MNAT1: variants seen among roughly 807,000 people sequenced by gnomAD.
The protein encoded by MNAT1 is CDK-activating kinase assembly factor MAT1.
Under a neutral mutation model 42.0 loss-of-function variants are expected in MNAT1, and 43 were observed. The ratio of observed to expected loss-of-function variants is 1.02; its 90% confidence interval spans 0.80 to 1.32. MNAT1 has a LOEUF of 1.32. Among genes scored for constraint, MNAT1 ranks in the 40% most tolerant of loss-of-function variants. MNAT1 has a pLI of 0.00. For missense variants in MNAT1, 306 were observed against 350.4 expected, an observed-to-expected ratio of 0.87 and a Z score of 1.01; for synonymous variants, 118 against 120.0, an observed-to-expected ratio of 0.98 and a Z score of 0.11.
At chr14:60,804,856 T>C (rs2032319384) in intron 3 of MNAT1, among the ~76,000 whole-genome samples, 1 of 152,188 alleles carries the variant, frequency 6.6e-6, no homozygotes, top group Non-Finnish European at 1.5e-5. Context: ...TCACTTAGGA[T>C]TTAAGTTTGC....
At chr14:60,779,897 G>A (rs1458758962) in intron 1 of MNAT1, 5 of 807,258 alleles carry the variant, frequency 6.2e-6, no homozygotes, top group African/African-American at 1.7e-5. Flanking sequence ...GCGGGGAAGT[G>A]CTGTTGGAGC....
At chr14:60,804,566 C>T (rs184937668) in intron 3 of MNAT1, among the ~76,000 whole-genome samples, 2 of 151,928 alleles carry the variant, frequency 1.3e-5, no homozygotes, top group African/African-American at 4.8e-5. Context: ...CACTCTGTCT[C>T]CCAGGCTAAA....
chr14:60,776,940 C>T (rs1291105847), intron 1 of MNAT1, among the ~76,000 whole-genome samples: 1 of 151,760 alleles, frequency 6.6e-6, no homozygotes, highest in African/African-American at 2.4e-5. Flanking sequence ...CTTGACTTCC[C>T]GGGCTCAGGT....
At chr14:60,906,380 A>G (rs1256129955) in intron 7 of MNAT1, among the ~76,000 whole-genome samples, 1 of 152,186 alleles carries the variant, frequency 6.6e-6, no homozygotes, top group African/African-American at 2.4e-5. Flanking sequence ...ACTTTCATCT[A>G]GAAAGGTCTG....
chr14:60,771,595 C>T (rs891129587), intron 1 of MNAT1, among the ~76,000 whole-genome samples: 3 of 152,192 alleles, frequency 2.0e-5, no homozygotes, highest in East Asian at 1.9e-4. Flanking sequence ...GTCCTTATAG[C>T]GTCCCTTCTG....
At chr14:60,932,731 T>C (rs1444137113) in intron 7 of MNAT1, among the ~76,000 whole-genome samples, 1 of 152,070 alleles carries the variant, frequency 6.6e-6, no homozygotes, top group Non-Finnish European at 1.5e-5. Context: ...TTGTTATCTA[T>C]TTCTTATCCT....
At chr14:60,942,002 T>TA (rs1208358398) in intron 7 of MNAT1, among the ~76,000 whole-genome samples, 2 of 1,838 alleles carry the variant, frequency 1.1e-3, no homozygotes, top group Non-Finnish European at 4.3e-3. Context: ...AGGCTCCATC[T>TA]CAAAAAAAAA....
At chr14:60,758,483 G>A (rs2030458598) in intron 1 of MNAT1, among the ~76,000 whole-genome samples, 1 of 151,922 alleles carries the variant, frequency 6.6e-6, no homozygotes, top group African/African-American at 2.4e-5. Context: ...GATTACAGGT[G>A]TGAGCCACGT....
At chr14:60,940,845 T>C (rs1222297111) in intron 7 of MNAT1, among the ~76,000 whole-genome samples, 1 of 152,128 alleles carries the variant, frequency 6.6e-6, no homozygotes, top group Non-Finnish European at 1.5e-5. Context: ...TCTTCAACAT[T>C]ACAGAATCAG....
At chr14:60,747,971 C>T (rs1316457603) in intron 1 of MNAT1, among the ~76,000 whole-genome samples, 4 of 152,100 alleles carry the variant, frequency 2.6e-5, no homozygotes, top group South Asian at 2.1e-4. Context: ...CCGAGGTCGG[C>T]GGATCATGAG....
chr14:60,871,922 C>T (rs1449697586), intron 6 of MNAT1, among the ~76,000 whole-genome samples: 1 of 152,152 alleles, frequency 6.6e-6, no homozygotes, highest in South Asian at 2.1e-4. Context: ...TGCACCCAGT[C>T]TCTAAGAATT....
chr14:60,810,689 T>C (rs1031602701), intron 4 of MNAT1, among the ~76,000 whole-genome samples: 22 of 152,332 alleles, frequency 1.4e-4, no homozygotes, highest in African/African-American at 5.1e-4. Context: ...CCTGGTTTTA[T>C]TCCATTGTGG....
chr14:60,956,151 G>A (rs2036484369), intron 7 of MNAT1, among the ~76,000 whole-genome samples: 1 of 151,778 alleles, frequency 6.6e-6, no homozygotes, highest in African/African-American at 2.4e-5. Flanking sequence ...AATTTCTCAG[G>A]ACTGCTTTGG....
Position 60,968,750 on chromosome 14 carries a change from T to C in MNAT1, c.*401T>C, listed in dbSNP as rs2139632719. The C allele has an allele frequency of 7.2e-6, 2 of 279,512 alleles. No individual in the cohort carries two copies. The highest frequency in any genetic ancestry group is 7.1e-5 in the South Asian group (2 of 28,344). The allele number at this position is 279,512 out of a possible 1,614,324, so 17.3% of individuals were successfully genotyped here. A position where few individuals can be genotyped will look rare whatever the true frequency, so the allele number is the denominator to read the frequency against. On this transcript the variant is annotated 3_prime_UTR_variant, in exon 8 of 8. Coordinates refer to ENST00000261245, the MANE Select transcript of MNAT1 (RefSeq NM_002431.4). ...TTTAAATACCATTTTGATTACAACA[T>C]TTACTGTTAATATCCAAGTCTATTA...
At chr14:60,914,765 A>C (rs1230966486) in intron 7 of MNAT1, among the ~76,000 whole-genome samples, 1 of 152,198 alleles carries the variant, frequency 6.6e-6, no homozygotes, top group African/African-American at 2.4e-5. Context: ...GATATCCACA[A>C]ACTTAAGTAG....
chr14:60,886,941 G>A (rs2034688621), intron 7 of MNAT1, among the ~76,000 whole-genome samples: 1 of 151,984 alleles, frequency 6.6e-6, no homozygotes, highest in African/African-American at 2.4e-5. Flanking sequence ...CTTGTCTTGG[G>A]GTCAGGCAAA....
intron 7 of MNAT1, among the ~76,000 whole-genome samples, chr14:60,936,080 C>G (rs950217311): frequency 1.3e-5 from 2 of 152,180 alleles, no homozygotes; most frequent in Non-Finnish European, 2.9e-5. Flanking sequence ...ATCCTCCTTG[C>G]TACTGGTGGC....
intron 1 of MNAT1, among the ~76,000 whole-genome samples, chr14:60,766,531 G>C (rs1288506010): frequency 6.6e-6 from 1 of 152,044 alleles, no homozygotes; most frequent in African/African-American, 2.4e-5. Context: ...GGCCAACATG[G>C]TGAAACTCCA....
At chr14:60,911,839 G>A (rs959794560) in intron 7 of MNAT1, among the ~76,000 whole-genome samples, 29 of 151,856 alleles carry the variant, frequency 1.9e-4, no homozygotes, top group Admixed American at 2.6e-4. Context: ...TATTAGGTCC[G>A]CTTGGTGCAG....
Sources: allele counts gnomAD v4.1 joint callset (sites outside exome capture counted in the v4.1 genomes callset), GRCh38; gene constraint gnomAD v4.1.1; transcripts MANE v1.5; gene names NCBI Gene and HGNC (gene_info 2026-07-23, HGNC 2026-07-21).